MAN2A1: variants seen among roughly 807,000 people sequenced by gnomAD.
MAN2A1 encodes mannosidase alpha class 2A member 1, also known as alpha-mannosidase 2.
In MAN2A1, 76 loss-of-function variants were observed where a neutral mutation model predicts 142.6. That is an observed-to-expected ratio of 0.53 (90% confidence interval 0.44 to 0.65). The LOEUF is 0.65. Among genes scored for constraint, MAN2A1 ranks in the 30% least tolerant of loss-of-function variants. The pLI is 0.00. For missense variants in MAN2A1, 1,311 were observed against 1,365.1 expected (o/e 0.96, Z 0.62); for synonymous variants, 559 against 473.2 (o/e 1.18, Z -2.35).
intron 4 of MAN2A1, among the ~76,000 whole-genome samples, chr5:109,750,269 G>GT (rs1752510563): frequency 6.6e-6 from 1 of 151,948 alleles, no homozygotes; most frequent in Non-Finnish European, 1.5e-5. Flanking sequence ...TCCTTCTGAT[G>GT]TTTTTGGGTT....
At chr5:109,773,293 T>G (rs558580900) in intron 7 of MAN2A1, among the ~76,000 whole-genome samples, 1 of 152,242 alleles carries the variant, frequency 6.6e-6, no homozygotes, top group African/African-American at 2.4e-5. Context: ...GTTAAAGGCA[T>G]GCCATTAACG....
At chr5:109,800,349 T>C (rs1165737606) in intron 12 of MAN2A1, among the ~76,000 whole-genome samples, 1 of 152,192 alleles carries the variant, frequency 6.6e-6, no homozygotes, top group African/African-American at 2.4e-5. Context: ...AGAGACTTGC[T>C]ATAAACCTCT....
chr5:109,839,156 G>A (rs183592617), intron 16 of MAN2A1, among the ~76,000 whole-genome samples: 7 of 152,258 alleles, frequency 4.6e-5, no homozygotes, highest in Non-Finnish European at 7.4e-5. Flanking sequence ...CTAGTATTAC[G>A]TGAATACTAT....
intron 12 of MAN2A1, among the ~76,000 whole-genome samples, chr5:109,802,245 A>G (rs926522866): frequency 6.6e-6 from 1 of 152,154 alleles, no homozygotes; most frequent in Non-Finnish European, 1.5e-5. Context: ...TCAGGGGTAG[A>G]TGTATGTGAG....
intron 8 of MAN2A1, among the ~76,000 whole-genome samples, chr5:109,778,766 T>C (rs532353612): frequency 3.9e-5 from 6 of 152,256 alleles, no homozygotes; most frequent in Non-Finnish European, 8.8e-5. Context: ...CTACAGTTTA[T>C]CTAGTTATAT....
chr5:109,711,326 A>G (rs773823517), intron 1 of MAN2A1, among the ~76,000 whole-genome samples: 6 of 152,234 alleles, frequency 3.9e-5, no homozygotes, highest in African/African-American at 2.4e-5. Flanking sequence ...AACAGAATCT[A>G]TCAGAAGGGA....
chr5:109,811,185 A>G (rs922729133), intron 12 of MAN2A1, among the ~76,000 whole-genome samples: 1 of 151,994 alleles, frequency 6.6e-6, no homozygotes, highest in Admixed American at 6.6e-5. Flanking sequence ...CAAAATTTAC[A>G]TTTATCTGGA....
At chr5:109,840,068 C>T (rs1193801993) in intron 16 of MAN2A1, 20 of 164,752 alleles carry the variant, frequency 1.2e-4, no homozygotes, top group Non-Finnish European at 2.5e-4. Flanking sequence ...CCTCCTCAGT[C>T]ATTAACAAGA....
At position 109,817,316 on chromosome 5, in the gene MAN2A1, T is replaced by C. The variant is rs1156818247; in HGVS notation, c.1987T>C (p.Leu663=). The C allele has an allele frequency of 1.2e-5, 19 of 1,614,072 alleles. No individual in the cohort carries two copies. The highest frequency in any genetic ancestry group is 2.2e-5 in the East Asian group (1 of 44,898). ...YNPLEQDRIS[L]VSVYVSSPTV... ...TCCTTTAGAACAAGACCGAATCTCG[T>C]TGGTCTCAGTCTATGTGAGTTCCCC... The change falls in exon 13 of 22, where the codon TTG becomes CTG. Residue 663 remains leucine (L), a synonymous_variant. Coordinates refer to ENST00000261483, the MANE Select transcript of MAN2A1 (RefSeq NM_002372.4).
At chr5:109,836,474 G>A (rs12518625) in intron 16 of MAN2A1, among the ~76,000 whole-genome samples, 56,532 of 151,942 alleles carry the variant, frequency 0.37, 11,341 homozygotes, top group African/African-American at 0.53. Flanking sequence ...CCTTAGACTG[G>A]TGCTAAGCAA....
intron 16 of MAN2A1, among the ~76,000 whole-genome samples, chr5:109,832,810 G>C (rs1048883758): frequency 5.3e-5 from 8 of 151,808 alleles, no homozygotes; most frequent in Admixed American, 1.3e-4. Context: ...CTGGCTGGGT[G>C]GGGGCTGTCC....
chr5:109,739,591 G>A (rs1752207854), intron 4 of MAN2A1, among the ~76,000 whole-genome samples: 1 of 152,122 alleles, frequency 6.6e-6, no homozygotes, highest in African/African-American at 2.4e-5. Flanking sequence ...TTGTATTGTT[G>A]TCCGTAAGTC....
chr5:109,843,977 CA>C (rs1396991270), intron 17 of MAN2A1, among the ~76,000 whole-genome samples: 1 of 152,088 alleles, frequency 6.6e-6, no homozygotes, highest in Non-Finnish European at 1.5e-5. Context: ...TGATTTCCTG[CA>C]AAAGTTAAAT....
intron 17 of MAN2A1, among the ~76,000 whole-genome samples, chr5:109,845,514 T>C (rs1340142300): frequency 2.0e-5 from 3 of 152,162 alleles, no homozygotes; most frequent in Non-Finnish European, 2.9e-5. Flanking sequence ...CAAAAGCAGT[T>C]TGTTAGATTT....
chr5:109,765,089 T>C (rs1328192271), intron 5 of MAN2A1, among the ~76,000 whole-genome samples: 6 of 152,174 alleles, frequency 3.9e-5, no homozygotes, highest in Non-Finnish European at 1.5e-5. Context: ...AGTGATACAG[T>C]AGGACAGTGT....
At chr5:109,755,480 T>G (rs750402464) in intron 5 of MAN2A1, 24 bp downstream of exon 5, 3 of 1,590,068 alleles carry the variant, frequency 1.9e-6, no homozygotes, top group Non-Finnish European at 1.7e-6. Flanking sequence ...TATTCTTTAT[T>G]TGGGCTATTT....
chr5:109,788,552 A>G (rs1236283282), intron 10 of MAN2A1, among the ~76,000 whole-genome samples: 1 of 151,890 alleles, frequency 6.6e-6, no homozygotes, highest in East Asian at 1.9e-4. Flanking sequence ...GTTTTTATTC[A>G]TTGTTAAAAC....
intron 5 of MAN2A1, among the ~76,000 whole-genome samples, chr5:109,760,286 T>C (rs1479862667): frequency 6.6e-6 from 1 of 152,212 alleles, no homozygotes; most frequent in African/African-American, 2.4e-5. Context: ...GTTTCCAGCT[T>C]CATTCATATC....
In MAN2A1 at chr5:109,819,697, T is replaced by C. The variant is rs1474453254; in HGVS notation, c.2138T>C (p.Leu713Ser). ...TCTTTTCGAGCACATATACCGCCATTGGGACTGAAAGTGTATAAGATTTTG... is the reference window on the plus strand; with the variant it reads ...TCTTTTCGAGCACATATACCGCCATCGGGACTGAAAGTGTATAAGATTTTG... ...EISFRAHIPPLGLKVYKILES... is the reference protein window; with the variant it reads ...EISFRAHIPPSGLKVYKILES... The change falls in exon 14 of 22, where the codon TTG becomes TCG. Residue 713 changes from leucine (L) to serine (S), a missense_variant. Around this residue, in one of 3 missense-constraint regions of MAN2A1, gnomAD observed 890 missense variants for 920.5 expected, o/e 0.97. Coordinates refer to ENST00000261483, the MANE Select transcript of MAN2A1 (RefSeq NM_002372.4). 6.2e-7 allele frequency: 1 copy of C among 1,607,720 alleles called. No homozygotes were observed. The highest frequency in any genetic ancestry group is 8.5e-7 in the Non-Finnish European group (1 of 1,177,292).
Sources: allele counts gnomAD v4.1 joint callset (sites outside exome capture counted in the v4.1 genomes callset), GRCh38; gene constraint gnomAD v4.1.1; regional missense constraint gnomAD v4.1.1; transcripts MANE v1.5; gene names NCBI Gene and HGNC (gene_info 2026-07-23, HGNC 2026-07-21).